Variants in UGGT1 observed in about 807,000 individuals in gnomAD.
UGGT1 encodes UDP-glucose:glycoprotein glucosyltransferase 1.
A neutral mutation model predicts 203.9 loss-of-function variants in UGGT1; 107 were observed. The ratio of observed to expected loss-of-function variants is 0.52; its 90% CI spans 0.45 to 0.62. UGGT1 has a LOEUF of 0.62. Among genes scored for constraint, UGGT1 ranks in the 20% least tolerant of loss-of-function variants. The pLI is 0.00. For synonymous variants in UGGT1, 628 were observed against 653.5 expected (o/e 0.96, Z 0.59); for missense variants, 1,673 against 1,867.2 (o/e 0.90, Z 1.92).
Position 128,161,265 on chromosome 2 carries a change from A to T in UGGT1, c.2822A>T (p.Asp941Val), listed in dbSNP as rs781204881. The change falls in exon 25 of 41, where the codon GAT becomes GTT. Residue 941 changes from aspartate to valine, a missense_variant. Asp to Val is a radical substitution (Grantham distance 152). Coordinates refer to ENST00000259253, the MANE Select transcript of UGGT1 (RefSeq NM_020120.4). ...ATTCAACAGCTTCGGGTAGAAGAAG[A>T]TGTGTAAGTTTTGCCATAGGAGGAA... ...SHIQQLRVEE[D>V]VASDLVMKVD... is the part of the protein sequence containing the mutation. The T allele has an allele frequency of 1.9e-6, 3 of 1,613,404 alleles. No individual in the cohort carries two copies. In the South Asian group the frequency reaches 3.3e-5, roughly 18 times the overall value.
In UGGT1 at chr2:128,172,582, T is replaced by C. The variant is rs550373238; in HGVS notation, c.3114T>C (p.Arg1038=). The C allele has an allele frequency of 1.2e-6, 2 of 1,614,068 alleles. No homozygotes were observed. Among genetic ancestry groups the C allele is most frequent in the Admixed American group, 1.7e-5 (1 of 60,012 alleles). ...TCCTTTTCAATTTCAGCTTTTACCG[T>C]TATGTCTTAGAACCAGAGATTTCTT... The part of the protein sequence containing the change: ...LSDMPLKSFY[R]YVLEPEISFT... Residue 1038 remains arginine (R), a synonymous_variant, in exon 29 of 41, where the codon CGT becomes CGC. Transcript: ENST00000259253.
chr2:128,167,095 G>A (rs1029611809), intron 26 of UGGT1, among the ~76,000 whole-genome samples: 15 of 152,096 alleles, frequency 9.9e-5, no homozygotes, highest in African/African-American at 3.1e-4. Flanking sequence ...CACCCAGATT[G>A]CACCCATTTT....
intron 19 of UGGT1, among the ~76,000 whole-genome samples, chr2:128,154,083 ACACT>A (rs1690113486): frequency 6.6e-6 from 1 of 151,120 alleles, no homozygotes; most frequent in South Asian, 2.1e-4. Context: ...ACACACACAC[ACACT>A]CCTATACATA....
chr2:128,180,940 T>G lies in UGGT1; in HGVS notation c.3951T>G (p.Val1317=). ...ANEYNFQYEL[V]QYKWPRWLHQ... is the part of the protein sequence containing the mutation. ...AATACAATTTCCAGTATGAGCTTGT[T>G]CAGTACAAATGGCCCCGGTGGCTTC... Residue 1317 remains valine (V), a synonymous_variant, in exon 36 of 41, where the codon GTT becomes GTG. Transcript: ENST00000259253. 1 of 1,614,186 alleles carries G rather than the reference T, an allele frequency of 6.2e-7. No homozygotes were observed. The highest frequency in any genetic ancestry group is 8.5e-7 in the Non-Finnish European group (1 of 1,180,020).
In UGGT1 at chr2:128,120,430, C is replaced by G; in HGVS notation, c.947C>G (p.Ala316Gly). 6.2e-7 allele frequency: 1 copy of G among 1,613,884 alleles called. No individual in the cohort carries two copies. The highest frequency in any genetic ancestry group is 1.3e-5 in the African/African-American group (1 of 75,008). ...KHLVESTNEM[A>G]PLKVWQLQDL... is the part of the protein sequence containing the mutation. ...CTTGTAGAGAGCACCAATGAAATGG[C>G]ACCTTTAAAGGTTTGGCAGTTGCAA... The change falls in exon 9 of 41, where the codon GCA (alanine) becomes GGA (glycine). Residue 316 changes from alanine (A) to glycine (G), a missense_variant. Physicochemically the swap from Ala to Gly is moderately conservative, Grantham distance 60. Transcript: ENST00000259253.
At position 128,183,553 on chromosome 2, in the gene UGGT1, T is replaced by C. The variant is rs55772749; in HGVS notation, c.4245-122T>C. The C allele has an allele frequency of 1.5e-3, 1,024 of 670,482 alleles. 7 individuals carry two copies. Among genetic ancestry groups the C allele is most frequent in the African/African-American group, 0.014 (771 of 55,872 alleles). 41.5% of individuals were successfully genotyped at this position (670,482 alleles called of 1,614,324 possible). ...ACACTTTAACTCCACTGTAGGGCTG[T>C]AGCATACCTTTTCAAAGAAAAGCCA... On this transcript the variant is annotated intron_variant, in intron 37 of 40. Coordinates refer to ENST00000259253, the MANE Select transcript of UGGT1 (RefSeq NM_020120.4).
chr2:128,152,748 A>C, intron 18 of UGGT1, 36 bp from the exon 19 acceptor site: 1 of 1,574,260 alleles, frequency 6.4e-7, no homozygotes, highest in Non-Finnish European at 8.6e-7. Flanking sequence ...AATTTGCTTT[A>C]CCCTCCCCCC....
chr2:128,181,681 C>A (rs1329387395), intron 36 of UGGT1, among the ~76,000 whole-genome samples: 2 of 152,230 alleles, frequency 1.3e-5, no homozygotes, highest in Non-Finnish European at 2.9e-5. Context: ...TTGGAATTCT[C>A]TTCCACTGGC....
At chr2:128,134,817 C>T (rs1271973560) in intron 14 of UGGT1, 59 bp from the exon 15 acceptor site, 45 of 1,492,490 alleles carry the variant, frequency 3.0e-5, no homozygotes, top group East Asian at 1.4e-4. Context: ...ACATTTTTCT[C>T]GGCCCACAGA....
intron 7 of UGGT1, 30 bp downstream of exon 7, chr2:128,115,250 T>A (rs1409390232): frequency 6.3e-7 from 1 of 1,578,980 alleles, no homozygotes; most frequent in South Asian, 1.1e-5. Flanking sequence ...ACCAGTGTGC[T>A]TTCTTCAAAT....
intron 13 of UGGT1, among the ~76,000 whole-genome samples, chr2:128,132,620 A>G (rs1037339172): frequency 7.9e-5 from 12 of 152,150 alleles, no homozygotes; most frequent in African/African-American, 2.9e-4. Context: ...TCTTGACGCT[A>G]GTCCTTTATT....
chr2:128,162,133 T>C (rs1690556703), intron 25 of UGGT1, among the ~76,000 whole-genome samples: 1 of 152,178 alleles, frequency 6.6e-6, no homozygotes, highest in African/African-American at 2.4e-5. Context: ...TTGGTGATGT[T>C]GAGCATCTTG....
rs781316750 is a variant in UGGT1, at chr2:128,156,419, A to C, written c.2260+4A>C. On this transcript the variant is annotated splice_donor_region_variant and intron_variant, in intron 21 of 40. Transcript: ENST00000259253. ...ATGTCCTCCAAGGAAATCTATGGTA[A>C]CTTAAAACTTCAGAATGTTCTATTT... is the stretch of plus-strand genomic sequence containing the variant. The C allele has an allele frequency of 6.0e-5, 95 of 1,590,988 alleles. No individual in the cohort carries two copies. Among genetic ancestry groups the C allele is most frequent in the Non-Finnish European group, 8.0e-5 (93 of 1,160,836 alleles).
intron 8 of UGGT1, among the ~76,000 whole-genome samples, chr2:128,119,606 G>A (rs1688281516): frequency 6.6e-6 from 1 of 152,170 alleles, no homozygotes. Context: ...AGCCTAAATT[G>A]TATTCATGTT....
chr2:128,126,490 C>A (rs914562432), intron 11 of UGGT1, among the ~76,000 whole-genome samples: 2 of 152,076 alleles, frequency 1.3e-5, no homozygotes, highest in Admixed American at 6.5e-5. Flanking sequence ...AATCCACCCG[C>A]CTCGGCCTCT....
intron 13 of UGGT1, among the ~76,000 whole-genome samples, 199 bp downstream of exon 13, chr2:128,129,378 T>C (rs1688767957): frequency 6.6e-6 from 1 of 150,408 alleles, no homozygotes; most frequent in Non-Finnish European, 1.5e-5. Context: ...TTATTGTTGC[T>C]AATGTGGTTA....
chr2:128,108,584 G>T (rs1252729890), intron 4 of UGGT1, among the ~76,000 whole-genome samples: 1 of 151,468 alleles, frequency 6.6e-6, no homozygotes, highest in African/African-American at 2.4e-5. Flanking sequence ...GACAGTCAAA[G>T]ATGTCTTCAC....
chr2:128,115,483 T>TA (rs55952659), intron 7 of UGGT1, among the ~76,000 whole-genome samples: 42 of 121,756 alleles, frequency 3.4e-4, no homozygotes, highest in South Asian at 1.1e-3. Context: ...TTTCATGTAC[T>TA]AAAAAAAAAA....
intron 17 of UGGT1, among the ~76,000 whole-genome samples, chr2:128,144,533 TAA>T (rs745424893): frequency 2.0e-5 from 3 of 152,226 alleles, no homozygotes; most frequent in Non-Finnish European, 4.4e-5. Flanking sequence ...TTTTCAAAAC[TAA>T]AGTTAGATGA....
Sources: allele counts gnomAD v4.1 joint callset (sites outside exome capture counted in the v4.1 genomes callset), GRCh38; gene constraint gnomAD v4.1.1; transcripts MANE v1.5; gene names NCBI Gene and HGNC (gene_info 2026-07-23, HGNC 2026-07-21).